The following KLF12 variants were observed in gnomAD, a reference collection of about 807,000 sequenced individuals.
KLF12 encodes KLF transcription factor 12, also known as Krueppel-like factor 12.
KLF12 carries 9 observed loss-of-function variants against 37.8 expected under a neutral mutation model. The ratio of observed to expected loss-of-function variants is 0.24; its 90% CI spans 0.14 to 0.42. KLF12 has a LOEUF of 0.42. KLF12 is among the 10% of genes least tolerant of loss of function. The pLI is 1.00. For missense variants in KLF12, 411 were observed against 516.0 expected, an observed-to-expected ratio of 0.80 and a Z score of 1.97; for synonymous variants, 208 against 202.1, an observed-to-expected ratio of 1.03 and a Z score of -0.25.
chr13:74,278,616 G>A, the KLF12 span, among the ~76,000 whole-genome samples: 2 of 152,110 alleles, frequency 1.3e-5, no homozygotes, highest in Non-Finnish European at 2.9e-5. Context: ...TTTGACTTGA[G>A]GCAGAGAGTG....
At chr13:74,182,199 T>C in the KLF12 span, among the ~76,000 whole-genome samples, 2 of 152,228 alleles carry the variant, frequency 1.3e-5, no homozygotes, top group African/African-American at 2.4e-5. Context: ...TTGAAAAGTA[T>C]AATCTCAATT....
chr13:74,126,191 T>C (rs1176269328), intron 1 of KLF12, among the ~76,000 whole-genome samples: 3 of 152,312 alleles, frequency 2.0e-5, no homozygotes, highest in African/African-American at 7.2e-5. Flanking sequence ...ATACATATGA[T>C]ACATAGGCTA....
chr13:74,304,325 C>T, the KLF12 span, among the ~76,000 whole-genome samples: 3,794 of 152,220 alleles, frequency 0.025, 62 homozygotes, highest in Non-Finnish European at 0.031. Flanking sequence ...CTCACTCATT[C>T]ACTCAATTCT....
chr13:74,035,352 G>A (rs964419529), intron 1 of KLF12, among the ~76,000 whole-genome samples: 1 of 151,996 alleles, frequency 6.6e-6, no homozygotes, highest in African/African-American at 2.4e-5. Flanking sequence ...TGGAATTTGT[G>A]GATGAGAAAC....
At chr13:73,992,926 C>A (rs1289186943) in intron 2 of KLF12, among the ~76,000 whole-genome samples, 1 of 152,126 alleles carries the variant, frequency 6.6e-6, no homozygotes, top group African/African-American at 2.4e-5. Flanking sequence ...TATGAAAAAT[C>A]ATTTTTTAAA....
chr13:74,142,981 ACCTT>A, the KLF12 span, among the ~76,000 whole-genome samples: 352 of 151,180 alleles, frequency 2.3e-3, no homozygotes, highest in Middle Eastern at 6.8e-3. Flanking sequence ...CTTAATAAAG[ACCTT>A]CCTTCCTTCC....
At chr13:73,867,484 A>T (rs1382387395) in intron 3 of KLF12, among the ~76,000 whole-genome samples, 1 of 152,086 alleles carries the variant, frequency 6.6e-6, no homozygotes, top group Non-Finnish European at 1.5e-5. Flanking sequence ...CTTAAAAAGC[A>T]AAGGCATAAA....
At chr13:74,063,899 C>T (rs1024150242) in intron 1 of KLF12, among the ~76,000 whole-genome samples, 29 of 152,242 alleles carry the variant, frequency 1.9e-4, no homozygotes, top group African/African-American at 6.5e-4. Flanking sequence ...GTGCTGTGCC[C>T]AAGCTGCCCT....
intron 5 of KLF12, among the ~76,000 whole-genome samples, chr13:73,789,579 AAT>A (rs1049551582): frequency 3.3e-5 from 5 of 152,038 alleles, no homozygotes; most frequent in African/African-American, 1.2e-4. Flanking sequence ...CGCAGGGACT[AAT>A]ATCTTCTGTG....
intron 3 of KLF12, among the ~76,000 whole-genome samples, chr13:73,897,098 A>C (rs1268250996): frequency 7.0e-6 from 1 of 143,250 alleles, no homozygotes; most frequent in Non-Finnish European, 1.5e-5. Flanking sequence ...TTTGTTTCCC[A>C]TGGCAAAAAT....
the KLF12 span, among the ~76,000 whole-genome samples, chr13:74,269,452 A>G: frequency 2.6e-5 from 4 of 152,174 alleles, no homozygotes; most frequent in African/African-American, 9.7e-5. Flanking sequence ...TGTGTGATGG[A>G]GGCAAAATTA....
At chr13:74,072,152 C>T (rs914153403) in intron 1 of KLF12, among the ~76,000 whole-genome samples, 7 of 151,742 alleles carry the variant, frequency 4.6e-5, no homozygotes, top group Non-Finnish European at 8.8e-5. Flanking sequence ...TTTGGCTTCA[C>T]TTCAAATTAT....
the KLF12 span, among the ~76,000 whole-genome samples, chr13:74,246,385 A>G: frequency 2.0e-5 from 3 of 152,212 alleles, no homozygotes; most frequent in Admixed American, 1.3e-4. Context: ...AGGAGAAGCT[A>G]AAGTATTTAG....
intron 3 of KLF12, among the ~76,000 whole-genome samples, chr13:73,930,345 C>T (rs766772889): frequency 6.6e-6 from 1 of 152,028 alleles, no homozygotes; most frequent in Non-Finnish European, 1.5e-5. Context: ...ATTATTTTTG[C>T]CTCTTACAGT....
intron 1 of KLF12, among the ~76,000 whole-genome samples, chr13:74,043,891 A>C (rs919427848): frequency 6.6e-6 from 1 of 152,228 alleles, no homozygotes; most frequent in Non-Finnish European, 1.5e-5. Flanking sequence ...ATCTTTACTA[A>C]CAATCTTGCA....
intron 4 of KLF12, among the ~76,000 whole-genome samples, chr13:73,839,186 G>T (rs1255960916): frequency 6.6e-6 from 1 of 150,750 alleles, no homozygotes. Flanking sequence ...TCTATCTCCT[G>T]GGCTCAAGTG....
chr13:73,696,070 C>G (rs1593966962), intron 7 of KLF12, among the ~76,000 whole-genome samples: 1 of 150,470 alleles, frequency 6.6e-6, no homozygotes, highest in African/African-American at 2.5e-5. Context: ...TTTCAACACC[C>G]CCCCACGCTT....
chr13:74,233,208 G>C, the KLF12 span, among the ~76,000 whole-genome samples: 1 of 152,098 alleles, frequency 6.6e-6, no homozygotes, highest in Admixed American at 6.6e-5. Flanking sequence ...AAGATACACT[G>C]TATACCTATA....
chr13:73,758,325 T>A (rs951746705), intron 6 of KLF12, among the ~76,000 whole-genome samples: 4 of 152,208 alleles, frequency 2.6e-5, no homozygotes, highest in Non-Finnish European at 5.9e-5. Flanking sequence ...GAGTAAATCA[T>A]GATTTCAGAC....
Sources: allele counts gnomAD v4.1 joint callset (sites outside exome capture counted in the v4.1 genomes callset), GRCh38; gene constraint gnomAD v4.1.1; transcripts MANE v1.5; gene names NCBI Gene and HGNC (gene_info 2026-07-23, HGNC 2026-07-21).